Variants in EPSTI1 observed in about 807,000 individuals in gnomAD.
The protein encoded by EPSTI1 is epithelial-stromal interaction protein 1.
A neutral mutation model predicts 49.9 loss-of-function variants in EPSTI1; 66 were observed. That is an observed-to-expected ratio of 1.32 (90% CI 1.08 to 1.62). The LOEUF is 1.62. Among genes scored for constraint, EPSTI1 ranks in the 40% most tolerant of loss-of-function variants. The pLI, the probability that EPSTI1 is intolerant of heterozygous loss-of-function variation, is 0.00. For synonymous variants in EPSTI1, 137 were observed against 130.7 expected (o/e 1.05, Z -0.33); for missense variants, 394 against 365.5 (o/e 1.08, Z -0.64).
In EPSTI1 at chr13:42,931,281, C is replaced by T. The variant is rs1443729243; in HGVS notation, c.564-4852G>A. Among the ~76,000 whole-genome samples the T allele has an allele frequency of 2.0e-5, 3 of 148,598 alleles. No homozygotes were observed. In the East Asian group the frequency reaches 6.1e-4, roughly 30 times the overall value. ...ACTGCAGTGGCGCAATCTCGGCTCA[C>T]TGCAAGCTCCGCTTCCCGGGTTCAC... On this transcript the variant is annotated intron_variant, in intron 6 of 10. Transcript: ENST00000313624.
In EPSTI1 at chr13:42,951,655, G is replaced by T. The variant is rs141313994; in HGVS notation, c.563+2293C>A. On this transcript the variant is annotated intron_variant, in intron 6 of 10. Transcript: ENST00000313624. ...AAGCTGGAACTATAAAAGAAAGGAG[G>T]TTGGACGCACAGCTTCTAATGTCTT... is the stretch of plus-strand genomic sequence containing the variant. 3.5e-3 allele frequency among the ~76,000 whole-genome samples: 528 copies of T among 152,322 alleles called. 3 individuals carry two copies. The highest frequency in any genetic ancestry group is 0.012 in the African/African-American group (503 of 41,564).
At chr13:42,988,688 G>T (rs1048088511) in intron 1 of EPSTI1, among the ~76,000 whole-genome samples, 3 of 150,580 alleles carry the variant, frequency 2.0e-5, no homozygotes. Flanking sequence ...CTGAGATTGC[G>T]CTGTTGCACT....
chr13:42,907,441 T>C (rs185989952), intron 8 of EPSTI1, among the ~76,000 whole-genome samples: 150 of 152,346 alleles, frequency 9.8e-4, no homozygotes, highest in Middle Eastern at 6.8e-3. Flanking sequence ...AACAACCTTG[T>C]ACAAATATCT....
intron 8 of EPSTI1, among the ~76,000 whole-genome samples, chr13:42,913,266 A>C (rs962416982): frequency 7.2e-5 from 11 of 152,222 alleles, no homozygotes; most frequent in African/African-American, 2.4e-4. Flanking sequence ...AGAGATTCTG[A>C]AACTAGGTAA....
At chr13:42,976,897 T>TAA (rs2039892553) in intron 1 of EPSTI1, among the ~76,000 whole-genome samples, 2 of 152,370 alleles carry the variant, frequency 1.3e-5, no homozygotes, top group Non-Finnish European at 2.9e-5. Flanking sequence ...GTTGCAAACA[T>TAA]ATTTTAAGTA....
chr13:42,918,713 ATCC>A (rs2037908037), intron 7 of EPSTI1, among the ~76,000 whole-genome samples: 3 of 152,198 alleles, frequency 2.0e-5, no homozygotes, highest in Non-Finnish European at 2.9e-5. Context: ...GTGTTCAGAA[ATCC>A]CTGGTTTATC....
chr13:42,942,256 T>C (rs1032631400), intron 6 of EPSTI1, among the ~76,000 whole-genome samples: 1 of 152,202 alleles, frequency 6.6e-6, no homozygotes, highest in Non-Finnish European at 1.5e-5. Context: ...TTCTAGGCAA[T>C]CCAAGAGCTT....
At chr13:42,986,060 G>C (rs1289736551) in intron 1 of EPSTI1, among the ~76,000 whole-genome samples, 1 of 152,226 alleles carries the variant, frequency 6.6e-6, no homozygotes, top group African/African-American at 2.4e-5. Flanking sequence ...AAGCCTGGCA[G>C]TCCTGCAACA....
chr13:42,933,255 T>C (rs1350876246), intron 6 of EPSTI1, among the ~76,000 whole-genome samples: 3 of 151,640 alleles, frequency 2.0e-5, no homozygotes, highest in East Asian at 3.9e-4. Context: ...TTGGAAACTA[T>C]TTTTCTACTA....
intron 6 of EPSTI1, among the ~76,000 whole-genome samples, chr13:42,935,490 G>C (rs1431608340): frequency 1.3e-5 from 2 of 152,200 alleles, no homozygotes; most frequent in African/African-American, 2.4e-5. Flanking sequence ...AGGTATGAAG[G>C]AGGAGGGAGT....
At chr13:42,973,470 T>C (rs1038702756) in intron 1 of EPSTI1, among the ~76,000 whole-genome samples, 4 of 152,232 alleles carry the variant, frequency 2.6e-5, no homozygotes, top group African/African-American at 9.6e-5. Context: ...CTGAAACATG[T>C]TATAATAGTC....
At chr13:42,908,640 C>T (rs541900989) in intron 8 of EPSTI1, among the ~76,000 whole-genome samples, 1 of 152,084 alleles carries the variant, frequency 6.6e-6, no homozygotes, top group African/African-American at 2.4e-5. Context: ...TTCTCCACAT[C>T]AAAGGAAACA....
chr13:42,978,980 T>C lies in EPSTI1; in HGVS notation c.189-8310A>G, dbSNP rs1013970524. The stretch of plus-strand genomic sequence containing the variant: ...AACTGTATCCTGGTTCCTGATTCTT[T>C]CCTTTGAATAATAAGGACCACTGCA... On this transcript the variant is annotated intron_variant, in intron 1 of 10. Transcript: ENST00000313624. Among the ~76,000 whole-genome samples, 4 of 152,304 alleles carry C rather than the reference T, an allele frequency of 2.6e-5. No homozygotes were observed. The East Asian group carries it at 5.8e-4, about 22-fold the overall frequency.
intron 6 of EPSTI1, among the ~76,000 whole-genome samples, chr13:42,949,079 A>C (rs1489895858): frequency 6.6e-6 from 1 of 152,164 alleles, no homozygotes; most frequent in Non-Finnish European, 1.5e-5. Context: ...ACAAATTCCA[A>C]CCTGACTCCA....
In EPSTI1 at chr13:42,986,442, G is replaced by A. The variant is rs570460350; in HGVS notation, c.188+5536C>T. ...TAGAAAAACCAGCTATGCGATTGGGGGGTTAAAACTTTCAACCCCTGGCCG... is the reference window on the plus strand; with the variant it reads ...TAGAAAAACCAGCTATGCGATTGGGAGGTTAAAACTTTCAACCCCTGGCCG... On this transcript the variant is annotated intron_variant, in intron 1 of 10. Transcript: ENST00000313624. 3.9e-5 allele frequency among the ~76,000 whole-genome samples: 6 copies of A among 152,028 alleles called. No homozygotes were observed. In the South Asian group the frequency reaches 1.2e-3, roughly 32 times the overall value.
At chr13:42,917,258 T>G (rs1018373621) in intron 8 of EPSTI1, among the ~76,000 whole-genome samples, 1 of 152,158 alleles carries the variant, frequency 6.6e-6, no homozygotes, top group African/African-American at 2.4e-5. Context: ...GTTTTGCAGA[T>G]GAGAAGTTCA....
chr13:42,958,263 C>G (rs2039334965), intron 5 of EPSTI1, among the ~76,000 whole-genome samples: 2 of 152,012 alleles, frequency 1.3e-5, no homozygotes, highest in African/African-American at 4.8e-5. Context: ...AATAGAGATT[C>G]TTTGGTTCAG....
At chr13:42,936,329 T>C (rs968831174) in intron 6 of EPSTI1, among the ~76,000 whole-genome samples, 21 of 152,230 alleles carry the variant, frequency 1.4e-4, no homozygotes, top group Admixed American at 9.8e-4. Flanking sequence ...CAAGAGTTAC[T>C]GATAAATGCC....
At chr13:42,926,044 G>GAAGGAAGGAAGGAAGGAAGGTAGA (rs2153421517) in intron 7 of EPSTI1, among the ~76,000 whole-genome samples, 1 of 152,230 alleles carries the variant, frequency 6.6e-6, no homozygotes, top group African/African-American at 2.4e-5. Flanking sequence ...AGGAAGGAAG[G>GAAGGAAGGAAGGAAGGAAGGTAGA]AAGGTAGGAA....
Sources: gnomAD v4.1 joint callset for allele counts (sites outside exome capture counted in the v4.1 genomes callset) on GRCh38, gnomAD v4.1.1 for gene constraint, MANE v1.5 for transcripts, NCBI Gene and HGNC (gene_info 2026-07-23, HGNC 2026-07-21) for gene names.